The following KIAA1671 variants were observed in gnomAD, a reference collection of about 807,000 sequenced individuals.
KIAA1671 encodes KIAA1671.
A neutral mutation model predicts 131.2 loss-of-function variants in KIAA1671; 52 were observed. That is an observed-to-expected ratio of 0.40 (90% CI 0.32 to 0.50). The LOEUF is 0.50. Among genes scored for constraint, KIAA1671 ranks in the 20% least tolerant of loss-of-function variants. The pLI is 0.73. For synonymous variants in KIAA1671, 1,003 were observed against 961.6 expected (o/e 1.04, Z -0.80); for missense variants, 2,360 against 2,364.2 (o/e 1.00, Z 0.04).
chr22:24,969,321 G>A (rs535557887), intron 1 of KIAA1671, among the ~76,000 whole-genome samples: 3 of 152,258 alleles, frequency 2.0e-5, no homozygotes, highest in South Asian at 4.1e-4. Context: ...ATAAAATGGT[G>A]TAGTATTTGC....
chr22:25,174,119 GT>G, intron 7 of KIAA1671, 120 bp from the exon 8 acceptor site: 1 of 1,101,498 alleles, frequency 9.1e-7, no homozygotes, highest in Non-Finnish European at 1.3e-6. Flanking sequence ...TGTTCTGTCT[GT>G]TGTTACTTGG....
chr22:25,170,569 G>A (rs1933811987), intron 6 of KIAA1671, among the ~76,000 whole-genome samples: 1 of 152,218 alleles, frequency 6.6e-6, no homozygotes, highest in Admixed American at 6.5e-5. Flanking sequence ...CACATGCCAG[G>A]TAGGGTGACC....
At chr22:25,031,563 C>G (rs1191401344) in intron 3 of KIAA1671, among the ~76,000 whole-genome samples, 1 of 152,096 alleles carries the variant, frequency 6.6e-6, no homozygotes, top group Non-Finnish European at 1.5e-5. Context: ...AACTTCTGAC[C>G]TCATGATCTG....
At chr22:24,998,948 A>G (rs1312095378) in intron 1 of KIAA1671, among the ~76,000 whole-genome samples, 7 of 151,890 alleles carry the variant, frequency 4.6e-5, no homozygotes, top group Non-Finnish European at 7.4e-5. Flanking sequence ...GGTTTTGACT[A>G]TTATGGAGGA....
intron 6 of KIAA1671, among the ~76,000 whole-genome samples, chr22:25,165,359 G>T (rs1183106920): frequency 6.6e-6 from 1 of 152,174 alleles, no homozygotes. Context: ...CTATGTGGTG[G>T]TCTCTGGATT....
At chr22:25,129,526 CAG>C (rs1568971375) in intron 6 of KIAA1671, among the ~76,000 whole-genome samples, 2 of 150,220 alleles carry the variant, frequency 1.3e-5, no homozygotes, top group Non-Finnish European at 3.0e-5. Context: ...AAAAAACCCA[CAG>C]ATTCTGGAGC....
intron 1 of KIAA1671, among the ~76,000 whole-genome samples, chr22:24,966,980 G>A (rs1382752298): frequency 2.0e-5 from 3 of 152,100 alleles, no homozygotes; most frequent in Non-Finnish European, 2.9e-5. Context: ...ATGAATGAAT[G>A]GGTTCTAGGC....
Position 25,070,062 on chromosome 22 carries a change from C to T in KIAA1671, c.4530+20698C>T, listed in dbSNP as rs569278841. 4.2e-5 allele frequency: 13 copies of T among 312,090 alleles called. No individual in the cohort carries two copies. In the South Asian group the frequency reaches 1.1e-3, roughly 27 times the overall value. The allele number at this position is 312,090 out of a possible 1,614,324, so 19.3% of individuals were successfully genotyped here. A position where few individuals can be genotyped will look rare whatever the true frequency, so the allele number is the denominator to read the frequency against. Reference sequence around the variant, plus strand: ...TAAAACCCTCCGTGCCTACGGCTCCCGGGAGGGTGAGGGTCCAGGCAGCTG... The same window carrying T: ...TAAAACCCTCCGTGCCTACGGCTCCTGGGAGGGTGAGGGTCCAGGCAGCTG... On this transcript the variant is annotated intron_variant, in intron 6 of 12. Transcript: ENST00000358431.
intron 1 of KIAA1671, among the ~76,000 whole-genome samples, chr22:24,979,039 A>G (rs952827902): frequency 5.4e-5 from 8 of 149,242 alleles, no homozygotes; most frequent in African/African-American, 2.0e-4. Context: ...TCTGTTGCCC[A>G]GGCTGGAGTG....
Position 25,029,373 on chromosome 22 carries a change from T to A in KIAA1671, c.1374T>A (p.Ser458=). Residue 458 remains serine (S), a synonymous_variant, in exon 3 of 13, where the codon TCT becomes TCA. Transcript: ENST00000358431. ...TGGCCTTGGCAGTGGGGTCTGAATC[T>A]CCCCTGGCCACCCCTGCGTCCCCAT... ...STLALAVGSE[S]PLATPASPSA... 1 of 1,551,022 alleles carries A rather than the reference T, an allele frequency of 6.4e-7. No homozygotes were observed. Among genetic ancestry groups the A allele is most frequent in the South Asian group, 1.2e-5 (1 of 84,026 alleles).
chr22:25,088,877 TACAC>T (rs146396284), intron 6 of KIAA1671, among the ~76,000 whole-genome samples: 5 of 151,228 alleles, frequency 3.3e-5, no homozygotes, highest in South Asian at 2.1e-4. Context: ...TGTACATATG[TACAC>T]ACACACACAC....
In KIAA1671 at chr22:25,195,852, G is replaced by T. The variant is rs1009566976; in HGVS notation, c.*3451G>T. On this transcript the variant is annotated 3_prime_UTR_variant, in exon 13 of 13. Transcript: ENST00000358431. ...AGAGTAAGTGATGGGGAGACATTCT[G>T]TGGTCTCTGAATGTGCCTTCCCCCT... 6.6e-6 allele frequency: 1 copy of T among 152,082 alleles called. No homozygotes were observed. The highest frequency in any genetic ancestry group is 1.9e-4 in the East Asian group (1 of 5,168). 9.4% of individuals were successfully genotyped at this position (152,082 alleles called of 1,614,324 possible).
chr22:25,089,779 C>T (rs1055158496), intron 6 of KIAA1671, among the ~76,000 whole-genome samples: 5 of 152,198 alleles, frequency 3.3e-5, no homozygotes, highest in South Asian at 2.1e-4. Flanking sequence ...TTTCCAGTTG[C>T]GTGCACTATA....
At chr22:25,016,920 G>A (rs573969438) in intron 1 of KIAA1671, among the ~76,000 whole-genome samples, 2,648 of 152,260 alleles carry the variant, frequency 0.017, 41 homozygotes, top group Non-Finnish European at 0.029. Context: ...GCTGCCCCTC[G>A]CAGAGCAGGA....
chr22:24,984,157 G>T (rs1445962060), intron 1 of KIAA1671, among the ~76,000 whole-genome samples: 2 of 152,146 alleles, frequency 1.3e-5, no homozygotes, highest in African/African-American at 4.8e-5. Context: ...TTGGAAGAAA[G>T]TCACTTAATT....
intron 6 of KIAA1671, among the ~76,000 whole-genome samples, chr22:25,153,719 G>C (rs181290915): frequency 6.6e-6 from 1 of 152,324 alleles, no homozygotes; most frequent in Admixed American, 6.5e-5. Context: ...TAGAGTCCTG[G>C]GCACTCGGAT....
chr22:25,044,244 C>T (rs375777161), intron 5 of KIAA1671, among the ~76,000 whole-genome samples: 4 of 152,168 alleles, frequency 2.6e-5, no homozygotes, highest in East Asian at 3.8e-4. Context: ...GATTCCTGCC[C>T]CAAAGCACTG....
intron 6 of KIAA1671, among the ~76,000 whole-genome samples, chr22:25,113,994 G>A (rs1418102142): frequency 2.0e-5 from 3 of 152,190 alleles, no homozygotes; most frequent in African/African-American, 7.2e-5. Flanking sequence ...ACCCTGGGGA[G>A]TGGTGTGACC....
chr22:25,031,286 T>A (rs1223348741), intron 3 of KIAA1671, among the ~76,000 whole-genome samples: 1 of 145,456 alleles, frequency 6.9e-6, no homozygotes, highest in Non-Finnish European at 1.5e-5. Flanking sequence ...AAGCTCCGCC[T>A]CCCAGGTTCA....
Sources: gnomAD v4.1 joint callset for allele counts (sites outside exome capture counted in the v4.1 genomes callset) on GRCh38, gnomAD v4.1.1 for gene constraint, MANE v1.5 for transcripts, NCBI Gene and HGNC (gene_info 2026-07-23, HGNC 2026-07-21) for gene names.